TBC1D5: variants seen among roughly 807,000 people sequenced by gnomAD.
TBC1D5 encodes the protein TBC1 domain family, member 5.
In TBC1D5, 75 loss-of-function variants were observed where a neutral mutation model predicts 100.3. The ratio of observed to expected loss-of-function variants is 0.75; its 90% CI spans 0.62 to 0.91. The LOEUF (loss-of-function observed/expected upper bound fraction) is 0.91, where lower values mean the gene tolerates loss of function less well. TBC1D5 is among the 40% of genes least tolerant of loss of function. TBC1D5 has a pLI of 0.00. For missense variants in TBC1D5, 910 were observed against 942.4 expected, an observed-to-expected ratio of 0.97 and a Z score of 0.45; for synonymous variants, 323 against 325.6, an observed-to-expected ratio of 0.99 and a Z score of 0.09.
chr3:17,590,390 G>C (rs1050278424), intron 2 of TBC1D5, among the ~76,000 whole-genome samples: 2 of 152,282 alleles, frequency 1.3e-5, no homozygotes, highest in African/African-American at 4.8e-5. Flanking sequence ...CTGAAATACG[G>C]ATTAAAAGAT....
chr3:17,696,204 G>C (rs1046671815), intron 1 of TBC1D5, among the ~76,000 whole-genome samples: 2 of 151,288 alleles, frequency 1.3e-5, no homozygotes, highest in African/African-American at 2.4e-5. Context: ...AGAAGGAAGA[G>C]CAAACAAAAA....
chr3:17,653,661 T>C (rs566072924), intron 1 of TBC1D5, among the ~76,000 whole-genome samples: 5 of 152,264 alleles, frequency 3.3e-5, no homozygotes, highest in East Asian at 1.9e-4. Context: ...ACTGGTGAAA[T>C]ATGAACAAAA....
intron 13 of TBC1D5, among the ~76,000 whole-genome samples, chr3:17,370,530 C>G (rs536418455): frequency 6.6e-6 from 1 of 152,248 alleles, no homozygotes; most frequent in African/African-American, 2.4e-5. Context: ...CCCAATACCA[C>G]ATGTCACACA....
At chr3:17,475,601 A>G (rs1055981922) in intron 3 of TBC1D5, among the ~76,000 whole-genome samples, 1 of 152,036 alleles carries the variant, frequency 6.6e-6, no homozygotes. Context: ...TATCTGTTTA[A>G]TTATCTTCAT....
At chr3:17,162,616 C>T (rs2066177859) in intron 21 of TBC1D5, among the ~76,000 whole-genome samples, 1 of 152,044 alleles carries the variant, frequency 6.6e-6, no homozygotes, top group African/African-American at 2.4e-5. Flanking sequence ...CACATTAACT[C>T]CTACACAAGC....
At chr3:17,513,756 G>A (rs925202808) in intron 2 of TBC1D5, among the ~76,000 whole-genome samples, 3 of 152,102 alleles carry the variant, frequency 2.0e-5, no homozygotes, top group Non-Finnish European at 4.4e-5. Context: ...TTTCAGAGTC[G>A]ATTATAAAAG....
chr3:17,654,214 T>C (rs1048846238), intron 1 of TBC1D5, among the ~76,000 whole-genome samples: 2 of 152,174 alleles, frequency 1.3e-5, no homozygotes, highest in Admixed American at 6.5e-5. Context: ...ATGAGAAAAG[T>C]ATATTCATTT....
intron 1 of TBC1D5, among the ~76,000 whole-genome samples, chr3:17,709,935 G>A (rs1160061881): frequency 6.6e-6 from 1 of 152,084 alleles, no homozygotes; most frequent in Non-Finnish European, 1.5e-5. Context: ...CCACGGCCAA[G>A]CAACTAGTAG....
intron 2 of TBC1D5, among the ~76,000 whole-genome samples, chr3:17,539,706 A>G (rs1157808014): frequency 6.6e-6 from 1 of 152,172 alleles, no homozygotes; most frequent in East Asian, 1.9e-4. Context: ...CTTGGCTGAG[A>G]CGAAGGGTTC....
At chr3:17,713,592 GA>G (rs2074963300) in intron 1 of TBC1D5, among the ~76,000 whole-genome samples, 1 of 151,908 alleles carries the variant, frequency 6.6e-6, no homozygotes, top group African/African-American at 2.4e-5. Flanking sequence ...TTAGTCATGT[GA>G]AAAGACAAGC....
At chr3:17,471,440 A>T (rs916538082) in intron 3 of TBC1D5, among the ~76,000 whole-genome samples, 1 of 152,210 alleles carries the variant, frequency 6.6e-6, no homozygotes, top group South Asian at 2.1e-4. Context: ...GAAAACAATC[A>T]TAAGTATAAT....
chr3:17,328,278 A>T (rs1204432855), intron 13 of TBC1D5, among the ~76,000 whole-genome samples: 1 of 127,392 alleles, frequency 7.8e-6, no homozygotes, highest in African/African-American at 4.3e-5. Context: ...CTTTATTTAA[A>T]AAAAAAAAAA....
chr3:17,375,189 C>T (rs2092655266), intron 10 of TBC1D5, among the ~76,000 whole-genome samples: 1 of 152,080 alleles, frequency 6.6e-6, no homozygotes, highest in African/African-American at 2.4e-5. Flanking sequence ...AAGCTATTTT[C>T]AATCACCTAT....
At chr3:17,540,410 A>G (rs2096338614) in intron 2 of TBC1D5, among the ~76,000 whole-genome samples, 1 of 152,172 alleles carries the variant, frequency 6.6e-6, no homozygotes, top group Non-Finnish European at 1.5e-5. Context: ...TCACTGTCAT[A>G]AAGTTTTTTC....
intron 1 of TBC1D5, among the ~76,000 whole-genome samples, chr3:17,656,612 C>G (rs1210665289): frequency 6.6e-6 from 1 of 152,152 alleles, no homozygotes; most frequent in Non-Finnish European, 1.5e-5. Context: ...GAACTAACTT[C>G]AGACACTCCT....
chr3:17,280,934 G>A (rs2080518415), intron 15 of TBC1D5, among the ~76,000 whole-genome samples: 1 of 152,138 alleles, frequency 6.6e-6, no homozygotes. Flanking sequence ...TGCTGCAGTG[G>A]GGCCCGCATG....
rs1220268327 is a variant in TBC1D5, at chr3:17,291,886, G to A, written c.1245+9C>T. 1.2e-6 allele frequency: 2 copies of A among 1,610,718 alleles called. No homozygotes were observed. On this transcript the variant is annotated intron_variant, in intron 15 of 21. Coordinates refer to ENST00000253692, the Ensembl canonical transcript of TBC1D5. The stretch of plus-strand genomic sequence containing the variant: ...TTAAAATTATGCATACCCTACTGGG[G>A]AAGCTTACCTTTGGATCTCTAAGGA...
At chr3:17,583,625 G>C (rs1418076815) in intron 2 of TBC1D5, among the ~76,000 whole-genome samples, 2 of 152,182 alleles carry the variant, frequency 1.3e-5, no homozygotes, top group Non-Finnish European at 1.5e-5. Context: ...TACTCAGGGG[G>C]CTGAGGCAAG....
chr3:17,532,294 T>C (rs1434737893), intron 2 of TBC1D5, among the ~76,000 whole-genome samples: 1 of 152,150 alleles, frequency 6.6e-6, no homozygotes, highest in African/African-American at 2.4e-5. Context: ...AGATACCATC[T>C]CACACCAGTT....
Sources: allele counts gnomAD v4.1 joint callset (sites outside exome capture counted in the v4.1 genomes callset), GRCh38; gene constraint gnomAD v4.1.1; transcripts MANE v1.5; gene names NCBI Gene and HGNC (gene_info 2026-07-23, HGNC 2026-07-21).